The following PRKAG2 variants were observed in gnomAD, a reference collection of about 807,000 sequenced individuals.
The protein encoded by PRKAG2 is protein kinase AMP-activated non-catalytic subunit gamma 2.
In PRKAG2, 26 loss-of-function variants were observed where a neutral mutation model predicts 69.6. The ratio of observed to expected loss-of-function variants is 0.37; its 90% CI spans 0.27 to 0.52. PRKAG2 has a LOEUF of 0.52. Among genes scored for constraint, PRKAG2 ranks in the 20% least tolerant of loss-of-function variants. The pLI is 0.90. For missense variants in PRKAG2, 557 were observed against 740.0 expected (o/e 0.75, Z 2.87); for synonymous variants, 293 against 285.0 (o/e 1.03, Z -0.28).
At chr7:151,648,445 G>A (rs1256159288) in intron 4 of PRKAG2, among the ~76,000 whole-genome samples, 4 of 152,138 alleles carry the variant, frequency 2.6e-5, no homozygotes, top group Non-Finnish European at 4.4e-5. Flanking sequence ...GAGAACAAGC[G>A]GAGTCAGCAT....
chr7:151,815,760 G>C (rs2078622067), intron 1 of PRKAG2, among the ~76,000 whole-genome samples: 2 of 152,174 alleles, frequency 1.3e-5, no homozygotes, highest in Non-Finnish European at 2.9e-5. Flanking sequence ...CTGTGGGGCA[G>C]AAAATGAACT....
At chr7:151,875,309 C>A (rs35503973) in intron 1 of PRKAG2, among the ~76,000 whole-genome samples, 47,233 of 152,066 alleles carry the variant, frequency 0.31, 8,811 homozygotes, top group South Asian at 0.5. Context: ...TTCACCCAAG[C>A]GTTAGGCACG....
chr7:151,583,420 A>G lies in PRKAG2; in HGVS notation c.865-6968T>C, dbSNP rs572127809. On this transcript the variant is annotated intron_variant, in intron 6 of 15. Transcript: ENST00000287878. This position sits in a 1 kb window ranked among gnomAD's most constrained non-coding sequence, Gnocchi z 4.1. The stretch of plus-strand genomic sequence containing the variant: ...TCCAAACGGACATGATACTCGTACA[A>G]TGCATTAAAGAGCAGTGTCCTGGGT... 2.6e-5 allele frequency among the ~76,000 whole-genome samples: 4 copies of G among 152,316 alleles called. No individual in the cohort carries two copies. The South Asian group carries it at 8.3e-4, about 32-fold the overall frequency.
chr7:151,707,174 C>T (rs945282825), intron 3 of PRKAG2, among the ~76,000 whole-genome samples: 1 of 152,172 alleles, frequency 6.6e-6, no homozygotes, highest in African/African-American at 2.4e-5. Flanking sequence ...GTCATGAAAC[C>T]CAGTCCTCCT....
At chr7:151,591,362 C>T (rs867872713) in intron 6 of PRKAG2, among the ~76,000 whole-genome samples, 107 of 152,272 alleles carry the variant, frequency 7.0e-4, no homozygotes, top group African/African-American at 2.1e-3. Flanking sequence ...CATCTTCACA[C>T]TGCACACTGC....
At chr7:151,686,103 G>A (rs2151510442) in intron 3 of PRKAG2, among the ~76,000 whole-genome samples, 1 of 152,152 alleles carries the variant, frequency 6.6e-6, no homozygotes, top group East Asian at 1.9e-4. Context: ...CAGTTAGGAT[G>A]CTTCTCAGGC....
chr7:151,824,649 C>T (rs2078866663), intron 1 of PRKAG2, among the ~76,000 whole-genome samples: 1 of 152,152 alleles, frequency 6.6e-6, no homozygotes, highest in Admixed American at 6.5e-5. Context: ...CTGCTCCTCT[C>T]ACAGCAAGCA....
rs369768414 is a variant in PRKAG2, at chr7:151,865,892, C to T, written c.114+10615G>A. ...AAAATTAGCTGGGTGTGGTGGCGGG[C>T]GCCCGTAGACCCAGCTACTCGGGAG... On this transcript the variant is annotated intron_variant, in intron 1 of 15. Transcript: ENST00000287878. Among the ~76,000 whole-genome samples the T allele has an allele frequency of 4.4e-3, 666 of 151,908 alleles. 2 individuals carry two copies. The highest frequency in any genetic ancestry group is 0.015 in the African/African-American group (626 of 41,436).
rs539392724 is a variant in PRKAG2, at chr7:151,616,918, T to C, written c.754+15151A>G. Among the ~76,000 whole-genome samples the C allele has an allele frequency of 3.3e-5, 5 of 152,122 alleles. No homozygotes were observed. The East Asian group carries it at 9.7e-4, about 29-fold the overall frequency. Reference sequence around the variant, plus strand: ...AGCACTCATGGGATATGGCTGGAGATGCGACAGGAAAGTTACTCAGGACCA... The same window carrying C: ...AGCACTCATGGGATATGGCTGGAGACGCGACAGGAAAGTTACTCAGGACCA... On this transcript the variant is annotated intron_variant, in intron 5 of 15. Transcript: ENST00000287878.
At chr7:151,782,010 G>T (rs957967440) in intron 2 of PRKAG2, among the ~76,000 whole-genome samples, 1 of 152,024 alleles carries the variant, frequency 6.6e-6, no homozygotes, top group Admixed American at 6.6e-5. Flanking sequence ...GGTGACTCAC[G>T]CCTGTAATCC....
In PRKAG2 at chr7:151,876,804, G is replaced by A; in HGVS notation, c.-184C>T. ...GCGCGGCCGCCGCCGCCGCCGAAGCGCCGAATTCAAGCGTCCTTTCCTACG... is the reference window on the plus strand; with the variant it reads ...GCGCGGCCGCCGCCGCCGCCGAAGCACCGAATTCAAGCGTCCTTTCCTACG... On this transcript the variant is annotated 5_prime_UTR_variant, in exon 1 of 16. Transcript: ENST00000287878. 1.5e-6 allele frequency: 1 copy of A among 664,806 alleles called. No homozygotes were observed. Among genetic ancestry groups the A allele is most frequent in the Non-Finnish European group, 2.7e-6 (1 of 374,162 alleles). The allele number at this position is 664,806 out of a possible 1,614,324, so 41.2% of individuals were successfully genotyped here.
At chr7:151,819,753 TGAAAAC>T in intron 1 of PRKAG2, among the ~76,000 whole-genome samples, 1 of 34,042 alleles carries the variant, frequency 2.9e-5, no homozygotes, top group Non-Finnish European at 7.2e-5. Flanking sequence ...GCCTTACGGG[TGAAAAC>T]CGGTCCCCTG....
chr7:151,777,524 C>G lies in PRKAG2; in HGVS notation c.466+3628G>C, dbSNP rs551702294. Among the ~76,000 whole-genome samples, 4 of 152,160 alleles carry G rather than the reference C, an allele frequency of 2.6e-5. No homozygotes were observed. The highest frequency in any genetic ancestry group is 6.5e-5 in the Admixed American group (1 of 15,276). The stretch of plus-strand genomic sequence containing the variant: ...GCTTTAAAGACTCCAGTACCTCCCC[C>G]CTCTCTCTTGCTCCCTTGCGTGTGA... On this transcript the variant is annotated intron_variant, in intron 3 of 15. Transcript: ENST00000287878. The surrounding 1 kb of genome is among the most constrained non-coding windows in gnomAD (Gnocchi z 4.3).
At chr7:151,672,984 G>A (rs10235453) in intron 4 of PRKAG2, among the ~76,000 whole-genome samples, 3,858 of 152,230 alleles carry the variant, frequency 0.025, 153 homozygotes, top group African/African-American at 0.088. Flanking sequence ...CAAGGGCTGC[G>A]TGGTTGTGTG....
intron 3 of PRKAG2, among the ~76,000 whole-genome samples, chr7:151,725,022 G>A (rs1043642793): frequency 3.3e-5 from 5 of 151,998 alleles, no homozygotes; most frequent in Admixed American, 1.3e-4. Flanking sequence ...CTTTCACCGC[G>A]CCTGACGTGA....
chr7:151,855,421 ATGCTCCACACACACCG>A, intron 1 of PRKAG2, among the ~76,000 whole-genome samples: 2 of 12,170 alleles, frequency 1.6e-4, no homozygotes, highest in Non-Finnish European at 3.3e-4. Context: ...CACATACACC[ATGCTCCACACACACCG>A]CCCTCCACAC....
At chr7:151,864,976 TTAGA>T (rs1468728831) in intron 1 of PRKAG2, among the ~76,000 whole-genome samples, 3 of 152,240 alleles carry the variant, frequency 2.0e-5, no homozygotes, top group Admixed American at 2.0e-4. Context: ...TAGCATATGA[TTAGA>T]TAACAATTTT....
chr7:151,586,416 T>G (rs990791314), intron 6 of PRKAG2, among the ~76,000 whole-genome samples: 24 of 152,360 alleles, frequency 1.6e-4, no homozygotes, highest in African/African-American at 4.6e-4. Context: ...CAGCCTCTGC[T>G]TTTTGAGAAA....
intron 1 of PRKAG2, among the ~76,000 whole-genome samples, chr7:151,793,674 G>A (rs939117579): frequency 8.5e-5 from 13 of 152,208 alleles, no homozygotes; most frequent in Admixed American, 7.2e-4. Context: ...AAGTGGTGAC[G>A]GCCTTGGCAG....
Sources: gnomAD v4.1 joint callset for allele counts (sites outside exome capture counted in the v4.1 genomes callset) on GRCh38, gnomAD v4.1.1 for gene constraint, Gnocchi (gnomAD v3.1) non-coding constraint, MANE v1.5 for transcripts, NCBI Gene and HGNC (gene_info 2026-07-23, HGNC 2026-07-21) for gene names.